Variants in TMEM132C observed in about 807,000 individuals in gnomAD.
The protein encoded by TMEM132C is protein phosphatase 1, regulatory subunit 152.
Under a neutral mutation model 61.4 loss-of-function variants are expected in TMEM132C, and 29 were observed. The ratio of observed to expected loss-of-function variants is 0.47; its 90% confidence interval spans 0.35 to 0.64. TMEM132C has a LOEUF of 0.64. Among genes scored for constraint, TMEM132C ranks in the 30% least tolerant of loss-of-function variants. TMEM132C has a pLI of 0.00. For synonymous variants in TMEM132C, 656 were observed against 633.1 expected (o/e 1.04, Z -0.54); for missense variants, 1,408 against 1,476.9 (o/e 0.95, Z 0.76).
intron 4 of TMEM132C, among the ~76,000 whole-genome samples, chr12:128,621,361 G>A (rs1953960980): frequency 6.6e-6 from 1 of 152,212 alleles, no homozygotes; most frequent in Admixed American, 6.5e-5. Context: ...GAGTCCAAAT[G>A]CAATGACTGG....
chr12:128,440,641 C>A (rs759004347), intron 2 of TMEM132C, among the ~76,000 whole-genome samples: 16 of 152,312 alleles, frequency 1.1e-4, no homozygotes, highest in Middle Eastern at 3.4e-3. Context: ...TGGTTGAGAC[C>A]TGGTCACATG....
intron 2 of TMEM132C, among the ~76,000 whole-genome samples, chr12:128,460,270 A>G (rs1870489232): frequency 6.6e-6 from 1 of 152,194 alleles, no homozygotes; most frequent in African/African-American, 2.4e-5. Flanking sequence ...GGCCAATGAC[A>G]GTGTCACCAG....
chr12:128,333,692 G>C (rs1872722396), intron 1 of TMEM132C, among the ~76,000 whole-genome samples: 1 of 149,278 alleles, frequency 6.7e-6, no homozygotes, highest in Non-Finnish European at 1.5e-5. Flanking sequence ...GAGAGTGTGT[G>C]GTGTTTGTTT....
At chr12:128,407,372 G>T (rs1004474685) in intron 1 of TMEM132C, among the ~76,000 whole-genome samples, 9 of 152,086 alleles carry the variant, frequency 5.9e-5, no homozygotes, top group African/African-American at 2.2e-4. Context: ...CCCAGTCTCG[G>T]GTATTTCTTC....
Position 128,495,071 on chromosome 12 carries a change from T to C in TMEM132C, c.975-48886T>C, listed in dbSNP as rs866216617. ...TTGTTCTCGTTGGTTTCAAAGAACA[T>C]CTTTATTTCTGCCTTCATTTCGTTA... On this transcript the variant is annotated intron_variant, in intron 2 of 8. Coordinates refer to ENST00000435159, the MANE Select transcript of TMEM132C (RefSeq NM_001136103.3). 3.0e-3 allele frequency among the ~76,000 whole-genome samples: 406 copies of C among 137,418 alleles called. 7 individuals carry two copies. The highest frequency in any genetic ancestry group is 0.01 in the African/African-American group (380 of 37,076). 90.2% of individuals were successfully genotyped at this position (137,418 alleles called of 152,430 possible).
chr12:128,439,822 G>A (rs955650254), intron 2 of TMEM132C, among the ~76,000 whole-genome samples: 10 of 152,154 alleles, frequency 6.6e-5, no homozygotes, highest in East Asian at 1.9e-4. Context: ...GGCAGCAGGC[G>A]TATGAGCCGC....
At chr12:128,604,418 TA>T (rs1876327219) in intron 3 of TMEM132C, among the ~76,000 whole-genome samples, 1 of 146,278 alleles carries the variant, frequency 6.8e-6, no homozygotes, top group Non-Finnish European at 1.5e-5. Flanking sequence ...GATAGATAGA[TA>T]GATAGATAGA....
rs1243246511 is a variant in TMEM132C at position 128,436,483 on chromosome 12, A to T, written c.974+20863A>T. ...AATCAACCCCATCAAAAAGTGGGCA[A>T]AGGATATGAACAGACACTTCTCAAA... On this transcript the variant is annotated intron_variant, in intron 2 of 8. Transcript: ENST00000435159. Among the ~76,000 whole-genome samples, 5 of 152,374 alleles carry T rather than the reference A, an allele frequency of 3.3e-5. No individual in the cohort carries two copies. In the East Asian group the frequency reaches 9.6e-4, roughly 29 times the overall value.
chr12:128,606,714 C>T (rs1375315212), intron 3 of TMEM132C, among the ~76,000 whole-genome samples: 1 of 152,164 alleles, frequency 6.6e-6, no homozygotes, highest in African/African-American at 2.4e-5. Flanking sequence ...CTTCCAAAGG[C>T]GCTTGAGTTT....
At chr12:128,661,574 A>G (rs1048434216) in intron 4 of TMEM132C, among the ~76,000 whole-genome samples, 1 of 149,470 alleles carries the variant, frequency 6.7e-6, no homozygotes, top group Non-Finnish European at 1.5e-5. Context: ...AAAAAAAAAA[A>G]CCCTGGATAC....
At chr12:128,562,101 C>T (rs1269813763) in intron 3 of TMEM132C, among the ~76,000 whole-genome samples, 1 of 152,212 alleles carries the variant, frequency 6.6e-6, no homozygotes, top group Non-Finnish European at 1.5e-5. Flanking sequence ...CAAACTACAG[C>T]CTCCGCAAAA....
At chr12:128,282,339 G>A (rs370329531) in intron 1 of TMEM132C, among the ~76,000 whole-genome samples, 236 of 152,344 alleles carry the variant, frequency 1.5e-3, no homozygotes, top group African/African-American at 5.5e-3. Context: ...AAGGAAAGAG[G>A]TTTAATTGAC....
At chr12:128,608,542 T>C (rs1017444684) in intron 3 of TMEM132C, among the ~76,000 whole-genome samples, 2 of 152,024 alleles carry the variant, frequency 1.3e-5, no homozygotes, top group African/African-American at 4.8e-5. Context: ...GAACCCAGAG[T>C]TGTAAGATCT....
rs372605842 is a variant in TMEM132C at position 128,639,077 on chromosome 12, T to TATG, written c.1305+22758_1305+22760dup. On this transcript the variant is annotated intron_variant, in intron 4 of 8. Transcript: ENST00000435159. The stretch of plus-strand genomic sequence containing the variant: ...ACAATGGTGATGATGATGATGGTGA[T>TATG]ATGATGATGATGATGATGGTGTTGA... Among the ~76,000 whole-genome samples the TATG allele has an allele frequency of 2.0e-3, 273 of 134,274 alleles. 2 individuals are homozygous for TATG. Among genetic ancestry groups the TATG allele is most frequent in the Admixed American group, 5.4e-3 (69 of 12,884 alleles). The allele number at this position is 134,274 out of a possible 152,430, so 88.1% of individuals were successfully genotyped here.
At chr12:128,577,870 C>G (rs190697545) in intron 3 of TMEM132C, among the ~76,000 whole-genome samples, 1 of 152,228 alleles carries the variant, frequency 6.6e-6, no homozygotes. Flanking sequence ...TTCTTCGCGG[C>G]TCCCCTCAAA....
intron 1 of TMEM132C, among the ~76,000 whole-genome samples, chr12:128,399,567 A>C (rs371564356): frequency 2.2e-4 from 33 of 152,272 alleles, no homozygotes; most frequent in African/African-American, 7.7e-4. Flanking sequence ...TTGGAGGCAC[A>C]GTAAAAACCA....
chr12:128,687,295 A>C (rs547326726), intron 5 of TMEM132C, among the ~76,000 whole-genome samples: 29 of 151,880 alleles, frequency 1.9e-4, no homozygotes, highest in Middle Eastern at 3.4e-3. Context: ...GGTGCTATTG[A>C]CATCTGGGGT....
At chr12:128,315,476 A>G (rs1872123177) in intron 1 of TMEM132C, among the ~76,000 whole-genome samples, 1 of 152,112 alleles carries the variant, frequency 6.6e-6, no homozygotes, top group Admixed American at 6.5e-5. Flanking sequence ...ATTTGCTGCC[A>G]GTCCTGCCAG....
chr12:128,403,604 G>T (rs915521441), intron 1 of TMEM132C, among the ~76,000 whole-genome samples: 1 of 152,174 alleles, frequency 6.6e-6, no homozygotes, highest in South Asian at 2.1e-4. Flanking sequence ...TGTTAAGCAT[G>T]CTGAGTGCTT....
Sources: allele counts gnomAD v4.1 joint callset (sites outside exome capture counted in the v4.1 genomes callset), GRCh38; gene constraint gnomAD v4.1.1; transcripts MANE v1.5; gene names NCBI Gene and HGNC (gene_info 2026-07-23, HGNC 2026-07-21).